Variants in ZFP91 observed in about 807,000 individuals in gnomAD.
ZFP91 encodes ZFP91 zinc finger protein, atypical E3 ubiquitin ligase, also known as E3 ubiquitin-protein ligase ZFP91.
Under a neutral mutation model 63.5 loss-of-function variants are expected in ZFP91, and 7 were observed. The observed-to-expected ratio is 0.11, with a 90% CI of 0.06 to 0.21. The LOEUF (loss-of-function observed/expected upper bound fraction) is 0.21. ZFP91 is among the 10% of genes least tolerant of loss of function. ZFP91 has a pLI of 1.00. For missense variants in ZFP91, 628 were observed against 736.6 expected, an observed-to-expected ratio of 0.85 and a Z score of 1.71; for synonymous variants, 330 against 272.1, an observed-to-expected ratio of 1.21 and a Z score of -2.10.
chr11:58,598,844 T>C (rs1480588402), intron 2 of ZFP91, among the ~76,000 whole-genome samples: 3 of 151,420 alleles, frequency 2.0e-5, no homozygotes, highest in African/African-American at 7.3e-5. Flanking sequence ...AAGCATACAA[T>C]TCAGTGACAT....
In ZFP91 at chr11:58,584,872, A is replaced by G; in HGVS notation, c.358A>G (p.Thr120Ala). 6.5e-7 allele frequency: 1 copy of G among 1,529,684 alleles called. No homozygotes were observed. The highest frequency in any genetic ancestry group is 8.7e-7 in the Non-Finnish European group (1 of 1,147,890). 94.8% of individuals were successfully genotyped at this position (1,529,684 alleles called of 1,614,324 possible). The change falls in exon 2 of 11, where the codon ACA (threonine) becomes GCA (alanine). Residue 120 changes from threonine to alanine, a missense_variant. By Grantham distance (58) the Thr-to-Ala change is moderately conservative. Around this residue, in one of 3 missense-constraint regions of ZFP91, gnomAD observed 437 missense variants for 380.3 expected, o/e 1.15. Coordinates refer to ENST00000316059, the MANE Select transcript of ZFP91 (RefSeq NM_053023.5). ...TTCTTTCAGATGCATAGAAAAAGTAACAACTGATAAAGGTAAGACTTGGTC... is the reference window on the plus strand; with the variant it reads ...TTCTTTCAGATGCATAGAAAAAGTAGCAACTGATAAAGGTAAGACTTGGTC... Reference protein sequence around the residue: ...SPRLLCIEKVTTDKDPKEEKE... With the variant: ...SPRLLCIEKVATDKDPKEEKE...
In ZFP91 at chr11:58,604,063, C is replaced by A. The variant is rs563878815; in HGVS notation, c.371-5767C>A. On this transcript the variant is annotated intron_variant, in intron 2 of 10. Coordinates refer to ENST00000316059, the MANE Select transcript of ZFP91 (RefSeq NM_053023.5). ...GTTGGGATTAGGTGAATGTATTTTGCACATTGGAAGGACATAAATTTTAGG... is the reference window on the plus strand; with the variant it reads ...GTTGGGATTAGGTGAATGTATTTTGAACATTGGAAGGACATAAATTTTAGG... 1.3e-4 allele frequency among the ~76,000 whole-genome samples: 20 copies of A among 152,296 alleles called. No individual in the cohort carries two copies. The East Asian group carries it at 3.9e-3, about 29-fold the overall frequency.
intron 2 of ZFP91, among the ~76,000 whole-genome samples, chr11:58,585,385 C>T (rs145858490): frequency 5.3e-5 from 8 of 152,224 alleles, no homozygotes; most frequent in Middle Eastern, 3.4e-3. Flanking sequence ...AGCTAATGTT[C>T]ACTTTTTCAA....
chr11:58,579,333 G>C lies in ZFP91; in HGVS notation c.52G>C (p.Gly18Arg). The C allele has an allele frequency of 6.7e-7, 1 of 1,495,214 alleles. No individual in the cohort carries two copies. The highest frequency in any genetic ancestry group is 1.5e-5 in the African/African-American group (1 of 68,090). 92.6% of individuals were successfully genotyped at this position (1,495,214 alleles called of 1,614,324 possible). The change falls in exon 1 of 11, where the codon GGG becomes CGG. Residue 18 changes from glycine to arginine, a missense_variant. Transcript: ENST00000316059. ...ACCCCCGGAGCAGCAGGACCAGGAA[G>C]GGGGAGAGGCGGCCAAGGCGGCTCC... is the stretch of plus-strand genomic sequence containing the variant. ...PRPPEQQDQE[G>R]GEAAKAAPEE...
chr11:58,597,094 G>T (rs1044828031), intron 2 of ZFP91, among the ~76,000 whole-genome samples: 2 of 152,124 alleles, frequency 1.3e-5, no homozygotes, highest in East Asian at 1.9e-4. Context: ...TCCCTAACTG[G>T]CAAGGTACTT....
intron 2 of ZFP91, among the ~76,000 whole-genome samples, chr11:58,585,268 G>C (rs775193253): frequency 2.6e-5 from 4 of 152,088 alleles, no homozygotes; most frequent in Non-Finnish European, 4.4e-5. Flanking sequence ...ATTCAGCCTG[G>C]TGAATAATTA....
chr11:58,615,420 T>C (rs932845020), intron 9 of ZFP91, among the ~76,000 whole-genome samples: 11 of 152,208 alleles, frequency 7.2e-5, no homozygotes, highest in Non-Finnish European at 1.6e-4. Context: ...TAGTTAAATA[T>C]CAAAAGCGTA....
intron 9 of ZFP91, among the ~76,000 whole-genome samples, chr11:58,615,736 C>G (rs1056768794): frequency 6.6e-6 from 1 of 152,148 alleles, no homozygotes; most frequent in Non-Finnish European, 1.5e-5. Context: ...GAATCTCAGG[C>G]CCTGCTTCAG....
At chr11:58,581,307 A>T (rs968102690) in intron 1 of ZFP91, among the ~76,000 whole-genome samples, 7 of 152,222 alleles carry the variant, frequency 4.6e-5, no homozygotes, top group South Asian at 2.1e-4. Context: ...CTTGAAAATT[A>T]AATATACCTA....
intron 2 of ZFP91, among the ~76,000 whole-genome samples, chr11:58,590,920 T>C (rs962856128): frequency 1.3e-5 from 2 of 152,044 alleles, no homozygotes; most frequent in South Asian, 2.1e-4. Context: ...TTTTTTTTTT[T>C]CCTGAGATTA....
In ZFP91 at chr11:58,618,480, G is replaced by A. The variant is rs1855790460; in HGVS notation, c.*774G>A. On this transcript the variant is annotated 3_prime_UTR_variant, in exon 11 of 11. Transcript: ENST00000316059. Reference sequence around the variant, plus strand: ...GGGCTCTGTATCAGTGAGACGATGAGAAAAGTCCCAGGCTAATGGCAGAAA... The same window carrying A: ...GGGCTCTGTATCAGTGAGACGATGAAAAAAGTCCCAGGCTAATGGCAGAAA... 2 of 366,906 alleles carry A rather than the reference G, an allele frequency of 5.5e-6. No individual in the cohort carries two copies. 22.7% of individuals were successfully genotyped at this position (366,906 alleles called of 1,614,324 possible).
intron 8 of ZFP91, 122 bp from the exon 9 acceptor site, chr11:58,614,107 A>G: frequency 1.8e-6 from 1 of 541,160 alleles, no homozygotes; most frequent in Non-Finnish European, 3.2e-6. Context: ...ATACTCCCTC[A>G]CTATCCATGT....
intron 2 of ZFP91, among the ~76,000 whole-genome samples, chr11:58,602,002 A>G (rs182692469): frequency 2.0e-3 from 307 of 151,990 alleles, no homozygotes; most frequent in Non-Finnish European, 3.2e-3. Context: ...GCTCAATGCA[A>G]CCTCCACCTC....
intron 2 of ZFP91, among the ~76,000 whole-genome samples, chr11:58,597,571 TTTTGC>T (rs1394394435): frequency 2.0e-5 from 3 of 152,176 alleles, no homozygotes; most frequent in African/African-American, 7.2e-5. Context: ...TTCACCTTTC[TTTTGC>T]TTTAAGTTGT....
chr11:58,609,683 T>A (rs1056160678), intron 2 of ZFP91, 147 bp from the exon 3 acceptor site: 3 of 726,188 alleles, frequency 4.1e-6, no homozygotes, highest in African/African-American at 1.8e-5. Context: ...TCATTTTCCT[T>A]TTTTTATTAT....
intron 2 of ZFP91, among the ~76,000 whole-genome samples, chr11:58,587,778 C>T (rs1855236034): frequency 6.6e-6 from 1 of 152,048 alleles, no homozygotes; most frequent in African/African-American, 2.4e-5. Flanking sequence ...GTTATGAAGC[C>T]TAATTTTTTT....
intron 9 of ZFP91, among the ~76,000 whole-genome samples, chr11:58,616,060 A>G (rs1473573973): frequency 1.3e-5 from 2 of 152,200 alleles, no homozygotes; most frequent in African/African-American, 4.8e-5. Context: ...ATCCTGCATA[A>G]TGGGGTTGAG....
Position 58,579,567 on chromosome 11 carries a change from C to G in ZFP91, c.286C>G (p.Pro96Ala), listed in dbSNP as rs554176524. ...ARPPDVPGQQ[P>A]QAAKSPSPVQ... ...GCCTCCCGACGTCCCCGGGCAGCAG[C>G]CCCAGGCCGCGAAGTCCCCGTCTCC... Residue 96 changes from proline to alanine, a missense_variant, in exon 1 of 11, where the codon CCC (proline) becomes GCC (alanine). By Grantham distance (27) the Pro-to-Ala change is conservative (BLOSUM62 -1). This residue lies in a region of ZFP91 where 437 missense variants were observed against 380.3 expected (regional missense o/e 1.15). Coordinates refer to ENST00000316059, the MANE Select transcript of ZFP91 (RefSeq NM_053023.5). 2.8e-5 allele frequency: 44 copies of G among 1,584,976 alleles called. No homozygotes were observed. The African/African-American group carries it at 5.9e-4, about 21-fold the overall frequency.
intron 2 of ZFP91, among the ~76,000 whole-genome samples, chr11:58,589,364 C>T (rs1055145701): frequency 6.6e-6 from 1 of 152,158 alleles, no homozygotes; most frequent in African/African-American, 2.4e-5. Context: ...TACACCCAGC[C>T]TGTTAGTTTT....
Sources: allele counts gnomAD v4.1 joint callset (sites outside exome capture counted in the v4.1 genomes callset), GRCh38; gene constraint gnomAD v4.1.1; regional missense constraint gnomAD v4.1.1; transcripts MANE v1.5; gene names NCBI Gene and HGNC (gene_info 2026-07-23, HGNC 2026-07-21).